ATRNL1: variants seen among roughly 807,000 people sequenced by gnomAD.
ATRNL1 encodes attractin-like protein 1.
In ATRNL1, 95 loss-of-function variants were observed where a neutral mutation model predicts 182.7. The ratio of observed to expected loss-of-function variants is 0.52; its 90% CI spans 0.44 to 0.62. ATRNL1 has a LOEUF of 0.62. Ranked by LOEUF, ATRNL1 falls within the 20% of genes least tolerant of loss-of-function variation. ATRNL1 has a pLI of 0.00. For missense variants in ATRNL1, 1,471 were observed against 1,679.5 expected (o/e 0.88, Z 2.17); for synonymous variants, 576 against 568.3 (o/e 1.01, Z -0.19).
At chr10:115,173,047 T>G (rs1847356649) in intron 8 of ATRNL1, among the ~76,000 whole-genome samples, 1 of 151,920 alleles carries the variant, frequency 6.6e-6, no homozygotes, top group African/African-American at 2.4e-5. Flanking sequence ...TTGATGACCT[T>G]AGTTCTTATT....
At chr10:115,262,948 A>T (rs1851452369) in intron 10 of ATRNL1, among the ~76,000 whole-genome samples, 1 of 151,962 alleles carries the variant, frequency 6.6e-6, no homozygotes, top group South Asian at 2.1e-4. Flanking sequence ...GCAAATTGGG[A>T]AAATCTAGTA....
intron 28 of ATRNL1, among the ~76,000 whole-genome samples, chr10:115,878,501 T>A (rs1951748242): frequency 6.6e-6 from 1 of 152,242 alleles, no homozygotes; most frequent in South Asian, 2.1e-4. Flanking sequence ...GAATACCAGA[T>A]AATTGACATA....
chr10:115,185,293 A>G (rs1847899970), intron 8 of ATRNL1, among the ~76,000 whole-genome samples: 1 of 152,058 alleles, frequency 6.6e-6, no homozygotes, highest in Admixed American at 6.6e-5. Context: ...ATGGAAAGAA[A>G]GCAGGGCTCC....
At position 115,300,121 on chromosome 10, in the gene ATRNL1, C is replaced by A; in HGVS notation, c.2503C>A (p.Gln835Lys). The change falls in exon 16 of 29, where the codon CAG becomes AAG. Residue 835 changes from glutamine (Q) to lysine (K), a missense_variant. Physicochemically the swap from Gln to Lys is moderately conservative, Grantham distance 53 (BLOSUM62 1). Transcript: ENST00000355044. ...GTCTCCTTTTACAAACACAACACTA[C>A]AGTGGCTTCCTGGCGAACCCAATGA... ...DMSPFTNTTL[Q>K]WLPGEPNDSG... 6.2e-7 allele frequency: 1 copy of A among 1,614,032 alleles called. No individual in the cohort carries two copies. The highest frequency in any genetic ancestry group is 8.5e-7 in the Non-Finnish European group (1 of 1,179,916).
chr10:115,341,910 T>C (rs1426176663), intron 19 of ATRNL1, among the ~76,000 whole-genome samples: 2 of 152,140 alleles, frequency 1.3e-5, no homozygotes, highest in African/African-American at 4.8e-5. Flanking sequence ...GTGTCTTTAT[T>C]TGTAAAATAT....
At chr10:115,523,854 T>C (rs1554985881) in intron 25 of ATRNL1, among the ~76,000 whole-genome samples, 3 of 152,242 alleles carry the variant, frequency 2.0e-5, no homozygotes, top group African/African-American at 7.2e-5. Context: ...TATAGCAACA[T>C]ACCACTTCCT....
In ATRNL1 at chr10:115,689,226, A is replaced by G. The variant is rs150842274; in HGVS notation, c.3796-38022A>G. 4.3e-3 allele frequency among the ~76,000 whole-genome samples: 653 copies of G among 152,192 alleles called. 2 individuals carry two copies. Among genetic ancestry groups the G allele is most frequent in the African/African-American group, 9.8e-3 (405 of 41,536 alleles). The stretch of plus-strand genomic sequence containing the variant: ...AACCTTATAATATGTTTTGAAGTCA[A>G]GTACTGTGATGGCTCCAACTTGTCT... On this transcript the variant is annotated intron_variant, in intron 26 of 28. Transcript: ENST00000355044.
intron 28 of ATRNL1, among the ~76,000 whole-genome samples, chr10:115,929,201 T>G (rs1953323745): frequency 6.6e-6 from 1 of 152,024 alleles, no homozygotes; most frequent in South Asian, 2.1e-4. Flanking sequence ...GAAAAATTTA[T>G]AGATGCTATG....
At chr10:115,799,032 G>T (rs1188532568) in intron 27 of ATRNL1, among the ~76,000 whole-genome samples, 1 of 151,734 alleles carries the variant, frequency 6.6e-6, no homozygotes, top group East Asian at 1.9e-4. Context: ...TCACTATGTT[G>T]GCCGGGCTGG....
chr10:115,292,142 T>A (rs1401726787), intron 15 of ATRNL1, among the ~76,000 whole-genome samples: 1 of 151,996 alleles, frequency 6.6e-6, no homozygotes, highest in African/African-American at 2.4e-5. Context: ...TTTCTTGGAA[T>A]ATAGTTGTTT....
chr10:115,243,561 T>C (rs1850509900), intron 10 of ATRNL1, among the ~76,000 whole-genome samples: 1 of 152,038 alleles, frequency 6.6e-6, no homozygotes, highest in South Asian at 2.1e-4. Context: ...AGATCTAACT[T>C]TTGTAACTCC....
chr10:115,754,133 T>G (rs1216918173), intron 27 of ATRNL1, among the ~76,000 whole-genome samples: 2 of 152,248 alleles, frequency 1.3e-5, no homozygotes, highest in Non-Finnish European at 2.9e-5. Flanking sequence ...GCCTGCTCAC[T>G]CTGATGATAG....
intron 21 of ATRNL1, among the ~76,000 whole-genome samples, chr10:115,459,697 T>G (rs1847699668): frequency 6.6e-6 from 1 of 152,122 alleles, no homozygotes; most frequent in Non-Finnish European, 1.5e-5. Flanking sequence ...ACTTGCCTTG[T>G]GATATTCTAT....
intron 27 of ATRNL1, among the ~76,000 whole-genome samples, chr10:115,735,824 A>G (rs774487468): frequency 6.6e-6 from 1 of 152,182 alleles, no homozygotes. Context: ...GAATTTTTCC[A>G]TTTAATATTT....
chr10:115,160,277 T>G (rs1846719474), intron 6 of ATRNL1, 63 bp downstream of exon 6: 2 of 1,459,814 alleles, frequency 1.4e-6, no homozygotes, highest in South Asian at 1.3e-5. Flanking sequence ...AAATGTCTTT[T>G]TTTTTTAATT....
intron 26 of ATRNL1, among the ~76,000 whole-genome samples, chr10:115,590,852 G>C (rs948653839): frequency 6.6e-6 from 1 of 152,166 alleles, no homozygotes; most frequent in African/African-American, 2.4e-5. Context: ...CTGTTGATCA[G>C]AGGTTTCACC....
chr10:115,578,401 G>A (rs1174207212), intron 26 of ATRNL1, among the ~76,000 whole-genome samples: 1 of 151,640 alleles, frequency 6.6e-6, no homozygotes, highest in Non-Finnish European at 1.5e-5. Flanking sequence ...GTTGCTGTTA[G>A]GAGGATTTTG....
At chr10:115,183,648 A>C (rs1052023596) in intron 8 of ATRNL1, among the ~76,000 whole-genome samples, 6 of 151,654 alleles carry the variant, frequency 4.0e-5, no homozygotes, top group Middle Eastern at 3.4e-3. Flanking sequence ...TAAATATAAA[A>C]AATTTGTATA....
At position 115,500,682 on chromosome 10, in the gene ATRNL1, T is replaced by C. The variant is rs558798939; in HGVS notation, c.3655-18581T>C. ...CCAGCCTCCTGAGTAGCTGGGATTA[T>C]AGGCATGTGCCACCACGCCTGGCTA... On this transcript the variant is annotated intron_variant, in intron 24 of 28. Coordinates refer to ENST00000355044, the MANE Select transcript of ATRNL1 (RefSeq NM_207303.4). Among the ~76,000 whole-genome samples, 396 of 151,658 alleles carry C rather than the reference T, an allele frequency of 2.6e-3. 1 individual carries two copies. The highest frequency in any genetic ancestry group is 9.0e-3 in the African/African-American group (371 of 41,394).
Sources: allele counts gnomAD v4.1 joint callset (sites outside exome capture counted in the v4.1 genomes callset), GRCh38; gene constraint gnomAD v4.1.1; transcripts MANE v1.5; gene names NCBI Gene and HGNC (gene_info 2026-07-23, HGNC 2026-07-21).